The following HIVEP2 variants were observed in gnomAD, a reference collection of about 807,000 sequenced individuals.
HIVEP2 encodes the protein transcription factor HIVEP2.
HIVEP2 carries 14 observed loss-of-function variants against 180.7 expected under a neutral mutation model. The observed-to-expected ratio is 0.08, with a 90% CI of 0.05 to 0.12. HIVEP2 has a LOEUF of 0.12. HIVEP2 is among the 10% of genes least tolerant of loss of function. HIVEP2 has a pLI of 1.00. For missense variants in HIVEP2, 2,579 were observed against 3,008.5 expected (o/e 0.86, Z 3.34); for synonymous variants, 1,184 against 1,136.4 (o/e 1.04, Z -0.84).
chr6:142,787,686 C>T (rs907525647), intron 2 of HIVEP2, among the ~76,000 whole-genome samples: 2 of 152,028 alleles, frequency 1.3e-5, no homozygotes, highest in Admixed American at 1.3e-4. Flanking sequence ...AGACAACACA[C>T]ATACACACAC....
chr6:142,884,086 A>C (rs1202731530), intron 1 of HIVEP2, among the ~76,000 whole-genome samples: 2 of 152,292 alleles, frequency 1.3e-5, no homozygotes, highest in East Asian at 3.9e-4. Flanking sequence ...AATAATTATG[A>C]ATGTTCATGC....
chr6:142,850,866 G>A (rs1775651359), intron 1 of HIVEP2, among the ~76,000 whole-genome samples: 1 of 152,192 alleles, frequency 6.6e-6, no homozygotes, highest in African/African-American at 2.4e-5. Flanking sequence ...TTCTCACCCT[G>A]AACACTGTCG....
At chr6:142,895,252 C>T (rs139219878) in intron 1 of HIVEP2, among the ~76,000 whole-genome samples, 2,113 of 152,178 alleles carry the variant, frequency 0.014, 31 homozygotes, top group African/African-American at 0.032. Context: ...TTCTATCTAG[C>T]ATCCACTGAA....
At chr6:142,927,061 C>T (rs2128437107) in intron 1 of HIVEP2, among the ~76,000 whole-genome samples, 1 of 151,640 alleles carries the variant, frequency 6.6e-6, no homozygotes, top group East Asian at 2.0e-4. Context: ...CTGGCGCTCC[C>T]GGCGCCTCCG....
At chr6:142,886,985 CAT>C in intron 1 of HIVEP2, among the ~76,000 whole-genome samples, 1 of 152,146 alleles carries the variant, frequency 6.6e-6, no homozygotes, top group Non-Finnish European at 1.5e-5. Context: ...CTCTCCTGTG[CAT>C]ATGTGTCAAC....
Position 142,943,062 on chromosome 6 carries a change from C to T in HIVEP2, c.-641+2037G>A, listed in dbSNP as rs910871467. The stretch of plus-strand genomic sequence containing the variant: ...ATACTGGTAAATCCCTTTCAGCTCA[C>T]AATGCAAATGTACAGTTGTCATTTG... On this transcript the variant is annotated intron_variant, in intron 1 of 9. Coordinates refer to ENST00000367603, the MANE Select transcript of HIVEP2 (RefSeq NM_006734.4). This position sits in a 1 kb window ranked among gnomAD's most constrained non-coding sequence, Gnocchi z 4.5. 7.2e-5 allele frequency among the ~76,000 whole-genome samples: 11 copies of T among 152,168 alleles called. No individual in the cohort carries two copies. Among genetic ancestry groups the T allele is most frequent in the South Asian group, 4.1e-4 (2 of 4,834 alleles).
intron 1 of HIVEP2, among the ~76,000 whole-genome samples, chr6:142,874,476 C>A (rs1776375603): frequency 6.6e-6 from 1 of 152,024 alleles, no homozygotes; most frequent in South Asian, 2.1e-4. Context: ...AGACAGCACA[C>A]CCTTATTGAA....
At chr6:142,783,326 CAAAAAAAAA>C (rs567202980) in intron 3 of HIVEP2, among the ~76,000 whole-genome samples, 186 bp downstream of exon 3, 2,532 of 71,106 alleles carry the variant, frequency 0.036, 48 homozygotes, top group African/African-American at 0.13. Context: ...GACTCCGTCA[CAAAAAAAAA>C]AAAAAAAAAA....
At chr6:142,850,957 G>A (rs1481742832) in intron 1 of HIVEP2, among the ~76,000 whole-genome samples, 1 of 152,216 alleles carries the variant, frequency 6.6e-6, no homozygotes, top group South Asian at 2.1e-4. Flanking sequence ...CTGGTGGTTT[G>A]TGTTGTATGA....
intron 7 of HIVEP2, 79 bp from the exon 8 acceptor site, chr6:142,761,644 T>C (rs1011769270): frequency 8.5e-6 from 7 of 822,456 alleles, no homozygotes; most frequent in Non-Finnish European, 1.1e-5. Context: ...CCAAATTCAA[T>C]GTGAAATGAA....
intron 1 of HIVEP2, among the ~76,000 whole-genome samples, chr6:142,884,710 A>G (rs1776654048): frequency 6.6e-6 from 1 of 152,166 alleles, no homozygotes; most frequent in Non-Finnish European, 1.5e-5. Flanking sequence ...ACTAGCAAAA[A>G]AGTTTGGGAG....
chr6:142,764,982 A>G lies in HIVEP2; in HGVS notation c.5343-8T>C, dbSNP rs1414940320. On this transcript the variant is annotated splice_polypyrimidine_tract_variant and splice_region_variant and intron_variant, in intron 6 of 9. Coordinates refer to ENST00000367603, the MANE Select transcript of HIVEP2 (RefSeq NM_006734.4). Reference sequence around the variant, plus strand: ...TCTTCATTCGATTTGTACCTGTTTTAAAAAGAGGGAATCCAGTGTGTTTTC... The same window carrying G: ...TCTTCATTCGATTTGTACCTGTTTTGAAAAGAGGGAATCCAGTGTGTTTTC... The G allele has an allele frequency of 6.9e-6, 11 of 1,595,126 alleles. No individual in the cohort carries two copies. In the Middle Eastern group the frequency reaches 5.0e-4, roughly 72 times the overall value.
intron 1 of HIVEP2, among the ~76,000 whole-genome samples, chr6:142,909,146 G>A (rs1562288070): frequency 6.6e-6 from 1 of 152,068 alleles, no homozygotes; most frequent in Non-Finnish European, 1.5e-5. Flanking sequence ...TAATTAGAAT[G>A]CATGCTGAAA....
intron 4 of HIVEP2, among the ~76,000 whole-genome samples, chr6:142,775,759 C>T (rs1775681656): frequency 6.6e-6 from 1 of 151,510 alleles, no homozygotes; most frequent in Non-Finnish European, 1.5e-5. Flanking sequence ...TGCTTGAACC[C>T]GGGAGGCAGA....
intron 2 of HIVEP2, among the ~76,000 whole-genome samples, chr6:142,807,106 G>A (rs979230922): frequency 3.3e-5 from 5 of 152,142 alleles, no homozygotes; most frequent in African/African-American, 1.2e-4. Context: ...AAGAGTAGAG[G>A]GGATGGCAAC....
At chr6:142,805,050 C>T (rs1229760877) in intron 2 of HIVEP2, among the ~76,000 whole-genome samples, 1 of 152,160 alleles carries the variant, frequency 6.6e-6, no homozygotes, top group Non-Finnish European at 1.5e-5. Flanking sequence ...CTGAGTGCCA[C>T]CCTACATAAC....
chr6:142,771,817 G>C lies in HIVEP2; in HGVS notation c.2922C>G (p.Ser974=), dbSNP rs1775553746. 1.2e-6 allele frequency: 2 copies of C among 1,614,088 alleles called. No homozygotes were observed. Among genetic ancestry groups the C allele is most frequent in the East Asian group, 2.2e-5 (1 of 44,886 alleles). Residue 974 remains serine, a synonymous_variant, in exon 5 of 10, where the codon TCC becomes TCG. Transcript: ENST00000367603. The surrounding 1 kb of genome is among the most constrained non-coding windows in gnomAD (Gnocchi z 5.4). ...AAGACATGGAGAAACTGGAGCTGTG[G>C]GACAAGTTGCTTTCTTGGCTGGGGC... ...SRSPSQESNL[S]HSSSFSMSFE... is the part of the protein sequence containing the mutation.
intron 2 of HIVEP2, among the ~76,000 whole-genome samples, chr6:142,800,313 C>T (rs1016365281): frequency 6.6e-6 from 1 of 152,146 alleles, no homozygotes; most frequent in Admixed American, 6.6e-5. Context: ...TTACTAAGCA[C>T]CTCTGCCTCT....
At chr6:142,862,782 T>G (rs1361325324) in intron 1 of HIVEP2, among the ~76,000 whole-genome samples, 3 of 135,132 alleles carry the variant, frequency 2.2e-5, no homozygotes, top group East Asian at 2.1e-4. Context: ...TATATGTAAT[T>G]ATATTACATA....
Sources: gnomAD v4.1 joint callset for allele counts (sites outside exome capture counted in the v4.1 genomes callset) on GRCh38, gnomAD v4.1.1 for gene constraint, Gnocchi (gnomAD v3.1) non-coding constraint, MANE v1.5 for transcripts, NCBI Gene and HGNC (gene_info 2026-07-23, HGNC 2026-07-21) for gene names.